Variants in ZC3H6 observed in about 807,000 individuals in gnomAD.
ZC3H6 encodes zinc finger CCCH domain-containing protein 6.
A neutral mutation model predicts 107.7 loss-of-function variants in ZC3H6; 40 were observed. The observed-to-expected ratio is 0.37, with a 90% confidence interval of 0.29 to 0.48. The LOEUF (loss-of-function observed/expected upper bound fraction) is 0.48, where lower values mean the gene tolerates loss of function less well. Ranked by LOEUF, ZC3H6 falls within the 20% of genes least tolerant of loss-of-function variation. The probability of loss-of-function intolerance (pLI) is 0.98; values close to 1 mark genes in which losing one functional copy is unlikely to be tolerated. For synonymous variants in ZC3H6, 493 were observed against 487.9 expected, an observed-to-expected ratio of 1.01 and a Z score of -0.14; for missense variants, 1,267 against 1,410.4, an observed-to-expected ratio of 0.90 and a Z score of 1.63.
At chr2:112,297,476 CTA>C (rs1405617573) in intron 1 of ZC3H6, among the ~76,000 whole-genome samples, 1 of 152,146 alleles carries the variant, frequency 6.6e-6, no homozygotes, top group African/African-American at 2.4e-5. Context: ...CTTTTTCAAA[CTA>C]TAGTGTTTTG....
At chr2:112,296,343 C>G (rs987467278) in intron 1 of ZC3H6, among the ~76,000 whole-genome samples, 1 of 151,960 alleles carries the variant, frequency 6.6e-6, no homozygotes, top group South Asian at 2.1e-4. Context: ...TAAGATTCCT[C>G]TATATTGTTT....
Position 112,322,902 on chromosome 2 carries a change from A to C in ZC3H6, c.1340A>C (p.Lys447Thr). The C allele has an allele frequency of 1.3e-6, 2 of 1,570,528 alleles. No homozygotes were observed. The highest frequency in any genetic ancestry group is 1.7e-6 in the Non-Finnish European group (2 of 1,163,408). Residue 447 changes from lysine (K) to threonine (T), a missense_variant and splice_region_variant, in exon 9 of 12, where the codon AAG (lysine) becomes ACG (threonine). By Grantham distance (78) the Lys-to-Thr change is moderately conservative. Transcript: ENST00000409871. The part of the protein sequence containing the change: ...TVDLAHKIGR[K>T]PPAFYTSASP... ...GATTTAGCGCATAAAATTGGGAGGAAGTAAGTGAAAAACTTTCAAAATGAC... is the reference window on the plus strand; with the variant it reads ...GATTTAGCGCATAAAATTGGGAGGACGTAAGTGAAAAACTTTCAAAATGAC...
At chr2:112,296,652 T>C (rs926703285) in intron 1 of ZC3H6, among the ~76,000 whole-genome samples, 1 of 152,210 alleles carries the variant, frequency 6.6e-6, no homozygotes, top group Non-Finnish European at 1.5e-5. Context: ...TCTGATTTTA[T>C]AGTAGAAGCT....
Position 112,317,313 on chromosome 2 carries a change from G to A in ZC3H6, c.957G>A (p.Glu319=), listed in dbSNP as rs1290050936. The A allele has an allele frequency of 7.8e-6, 12 of 1,541,300 alleles. No individual in the cohort carries two copies. In the Admixed American group the frequency reaches 2.4e-4, roughly 31 times the overall value. The change falls in exon 7 of 12, where the codon GAG becomes GAA. Residue 319 remains glutamate (E), a synonymous_variant. Transcript: ENST00000409871. ...TACAAGGATATTGTACCAAAGGAGA[G>A]AACTGCATTTATATGCATAATATCC... ...FYLQGYCTKG[E]NCIYMHNEFP...
At chr2:112,322,615 C>T (rs1210416628) in intron 8 of ZC3H6, 34 bp from the exon 9 acceptor site, 2 of 1,562,222 alleles carry the variant, frequency 1.3e-6, no homozygotes. Flanking sequence ...AAAAGACTCG[C>T]TTTGAAATAG....
intron 7 of ZC3H6, among the ~76,000 whole-genome samples, chr2:112,319,269 G>C (rs1397030063): frequency 6.6e-6 from 1 of 152,064 alleles, no homozygotes; most frequent in Non-Finnish European, 1.5e-5. Flanking sequence ...GGATGCTGGG[G>C]TGGGAGGATT....
chr2:112,284,777 A>G (rs897622368), intron 1 of ZC3H6, among the ~76,000 whole-genome samples: 3 of 152,336 alleles, frequency 2.0e-5, no homozygotes, highest in Admixed American at 6.5e-5. Context: ...GTTGTACAGA[A>G]CTTTTGGAGG....
chr2:112,322,986 C>T (rs1676834157), intron 9 of ZC3H6, 84 bp downstream of exon 9: 3 of 1,402,634 alleles, frequency 2.1e-6, no homozygotes, highest in Non-Finnish European at 2.9e-6. Flanking sequence ...CCAAGCTAAT[C>T]ATGTAATTAA....
intron 1 of ZC3H6, among the ~76,000 whole-genome samples, chr2:112,292,004 A>T (rs1308052033): frequency 6.6e-6 from 1 of 152,216 alleles, no homozygotes; most frequent in Non-Finnish European, 1.5e-5. Flanking sequence ...GGCGTGAGCC[A>T]CTGTGTTTGG....
Position 112,311,913 on chromosome 2 carries a change from T to G in ZC3H6, c.723T>G (p.Phe241Leu). ...GGRTNKGPNV[F>L]SVSDDFQEYN... The stretch of plus-strand genomic sequence containing the variant: ...GAACCAATAAAGGGCCTAATGTGTT[T>G]TCAGTATCGGATGACTTTCAAGAGG... Residue 241 changes from phenylalanine (F) to leucine (L), a missense_variant, in exon 5 of 12, where the codon TTT becomes TTG. Phe to Leu is a conservative substitution (Grantham distance 22, BLOSUM62 0). Around this residue, in one of 3 missense-constraint regions of ZC3H6, gnomAD observed 337 missense variants for 361.2 expected, o/e 0.93. Coordinates refer to ENST00000409871, the MANE Select transcript of ZC3H6 (RefSeq NM_198581.3). 6.2e-7 allele frequency: 1 copy of G among 1,612,668 alleles called. No individual in the cohort carries two copies. Among genetic ancestry groups the G allele is most frequent in the East Asian group, 2.2e-5 (1 of 44,818 alleles).
rs202247252 is a variant in ZC3H6 at position 112,316,497 on chromosome 2, G to C, written c.775G>C (p.Val259Leu). 7.2e-4 allele frequency: 1,159 copies of C among 1,608,884 alleles called. 1 individual carries two copies. The highest frequency in any genetic ancestry group is 8.7e-4 in the Admixed American group (51 of 58,930). Residue 259 changes from valine (V) to leucine (L), a missense_variant, in exon 6 of 12, where the codon GTT becomes CTT. By Grantham distance (32) the Val-to-Leu change is conservative (BLOSUM62 1). This residue lies in a region of ZC3H6 where 337 missense variants were observed against 361.2 expected (regional missense o/e 0.93). Coordinates refer to ENST00000409871, the MANE Select transcript of ZC3H6 (RefSeq NM_198581.3). ...EYNKPGKKWK[V>L]MTQEFINQHT... Reference sequence around the variant, plus strand: ...TAATAAACCAGGGAAAAAATGGAAGGTTATGACTCAGGAATTTATTAATCA... The same window carrying C: ...TAATAAACCAGGGAAAAAATGGAAGCTTATGACTCAGGAATTTATTAATCA...
chr2:112,290,148 A>T (rs1213395942), intron 1 of ZC3H6, among the ~76,000 whole-genome samples: 1 of 152,252 alleles, frequency 6.6e-6, no homozygotes, highest in East Asian at 1.9e-4. Flanking sequence ...ATAACTCCAA[A>T]TCCCATACTG....
At chr2:112,288,067 G>A (rs1192101690) in intron 1 of ZC3H6, among the ~76,000 whole-genome samples, 1 of 152,220 alleles carries the variant, frequency 6.6e-6, no homozygotes, top group African/African-American at 2.4e-5. Flanking sequence ...TCCATTTTAT[G>A]TTTTATTGTT....
In ZC3H6 at chr2:112,338,885, A is replaced by G. The variant is rs1180623867; in HGVS notation, c.*6397A>G. ...TATATATATATATATATATATATAT[A>G]TATATATATATATATATATATATAT... On this transcript the variant is annotated 3_prime_UTR_variant, in exon 12 of 12. Coordinates refer to ENST00000409871, the MANE Select transcript of ZC3H6 (RefSeq NM_198581.3). 8,301 of 33,162 alleles carry G rather than the reference A, an allele frequency of 0.25. 925 individuals carry two copies. Among genetic ancestry groups the G allele is most frequent in the South Asian group, 0.31 (320 of 1,038 alleles). 2.1% of individuals were successfully genotyped at this position (33,162 alleles called of 1,614,324 possible). A position where few individuals can be genotyped will look rare whatever the true frequency, so the allele number is the denominator to read the frequency against.
At chr2:112,278,791 T>G (rs1686473319) in intron 1 of ZC3H6, among the ~76,000 whole-genome samples, 1 of 152,176 alleles carries the variant, frequency 6.6e-6, no homozygotes, top group Non-Finnish European at 1.5e-5. Context: ...ATGCATAATT[T>G]TTTTCTCGTT....
intron 7 of ZC3H6, among the ~76,000 whole-genome samples, chr2:112,318,653 A>G (rs1020418944): frequency 8.5e-5 from 13 of 152,194 alleles, no homozygotes; most frequent in African/African-American, 3.1e-4. Context: ...ATGTGAGAAG[A>G]CCTTGATGCT....
intron 3 of ZC3H6, among the ~76,000 whole-genome samples, chr2:112,304,799 T>C (rs1010839430): frequency 6.6e-6 from 1 of 152,188 alleles, no homozygotes; most frequent in Non-Finnish European, 1.5e-5. Flanking sequence ...AAGAGCACTA[T>C]TTTTTCTCCT....
intron 5 of ZC3H6, among the ~76,000 whole-genome samples, chr2:112,312,399 A>T (rs953657300): frequency 1.9e-4 from 29 of 152,218 alleles, no homozygotes; most frequent in Admixed American, 1.8e-3. Flanking sequence ...GAACTTATGT[A>T]TGTTACATGT....
intron 7 of ZC3H6, among the ~76,000 whole-genome samples, chr2:112,320,916 A>C (rs1676789406): frequency 6.6e-6 from 1 of 152,144 alleles, no homozygotes; most frequent in Admixed American, 6.5e-5. Context: ...AAGTTTTAAA[A>C]AATCAATTAA....
Sources: gnomAD v4.1 joint callset for allele counts (sites outside exome capture counted in the v4.1 genomes callset) on GRCh38, gnomAD v4.1.1 for gene constraint, gnomAD v4.1.1 regional missense constraint, MANE v1.5 for transcripts, NCBI Gene and HGNC (gene_info 2026-07-23, HGNC 2026-07-21) for gene names.